Variants in CHST11 observed in about 807,000 individuals in gnomAD.
CHST11 encodes the protein C4S-1.
Under a neutral mutation model 30.4 loss-of-function variants are expected in CHST11, and 9 were observed. The observed-to-expected ratio is 0.30, with a 90% CI of 0.18 to 0.52. The LOEUF (loss-of-function observed/expected upper bound fraction) is 0.52. CHST11 is among the 20% of genes least tolerant of loss of function. The pLI is 0.97. For missense variants in CHST11, 348 were observed against 460.6 expected (o/e 0.76, Z 2.24); for synonymous variants, 152 against 187.8 (o/e 0.81, Z 1.56).
At chr12:104,624,350 A>G (rs1350190173) in intron 2 of CHST11, among the ~76,000 whole-genome samples, 4 of 152,300 alleles carry the variant, frequency 2.6e-5, no homozygotes, top group East Asian at 1.9e-4. Flanking sequence ...CTGGGTACTT[A>G]AGACTGAATG....
At chr12:104,656,310 T>C (rs1174636948) in intron 2 of CHST11, among the ~76,000 whole-genome samples, 1 of 152,184 alleles carries the variant, frequency 6.6e-6, no homozygotes, top group Non-Finnish European at 1.5e-5. Context: ...CCACTTTTCC[T>C]CTTTTTTTCT....
At chr12:104,705,870 A>G (rs534293807) in intron 2 of CHST11, among the ~76,000 whole-genome samples, 3 of 152,104 alleles carry the variant, frequency 2.0e-5, no homozygotes, top group Non-Finnish European at 4.4e-5. Flanking sequence ...CAGTGAGCCA[A>G]GATCGCACCA....
chr12:104,750,406 T>C (rs2463444), intron 2 of CHST11, among the ~76,000 whole-genome samples: 92,714 of 140,060 alleles, frequency 0.66, 31,158 homozygotes, highest in Middle Eastern at 0.74. Context: ...TGTAGTTGTG[T>C]ACCTGGTTTT....
At position 104,524,892 on chromosome 12, in the gene CHST11, ACAGAG is replaced by A. The variant is rs566754263; in HGVS notation, c.118+67366_118+67370del. Among the ~76,000 whole-genome samples, 137 of 152,346 alleles carry A rather than the reference ACAGAG, an allele frequency of 9.0e-4. 3 individuals carry two copies. In the South Asian group the frequency reaches 0.028, roughly 31 times the overall value. On this transcript the variant is annotated intron_variant, in intron 1 of 2. Coordinates refer to ENST00000303694, the MANE Select transcript of CHST11 (RefSeq NM_018413.6). Reference sequence around the variant, plus strand: ...TTTGTTTTGGTTCTCATCTCTGTGAACAGAGCAAAGCATGCAACCATTGTAACACT... The same window carrying A: ...TTTGTTTTGGTTCTCATCTCTGTGAACAAAGCATGCAACCATTGTAACACT...
At chr12:104,655,853 C>T (rs1312754258) in intron 2 of CHST11, among the ~76,000 whole-genome samples, 1 of 152,126 alleles carries the variant, frequency 6.6e-6, no homozygotes, top group African/African-American at 2.4e-5. Context: ...TATGTAAATT[C>T]AGGGTGTTTT....
chr12:104,699,127 G>A (rs1324617439), intron 2 of CHST11, among the ~76,000 whole-genome samples: 2 of 152,154 alleles, frequency 1.3e-5, no homozygotes, highest in Non-Finnish European at 2.9e-5. Flanking sequence ...CCTCACCCTA[G>A]ATCTAATGAA....
At chr12:104,674,705 G>A (rs2039724310) in intron 2 of CHST11, among the ~76,000 whole-genome samples, 1 of 151,952 alleles carries the variant, frequency 6.6e-6, no homozygotes, top group South Asian at 2.1e-4. Flanking sequence ...CTTTGCTAAC[G>A]GATTAGACTT....
chr12:104,665,595 T>TG, intron 2 of CHST11, among the ~76,000 whole-genome samples: 1 of 152,238 alleles, frequency 6.6e-6, no homozygotes, highest in South Asian at 2.1e-4. Flanking sequence ...TAAAGTGCTT[T>TG]GCACAGCATC....
intron 1 of CHST11, among the ~76,000 whole-genome samples, chr12:104,459,443 T>A (rs1284040036): frequency 6.6e-6 from 1 of 152,238 alleles, no homozygotes; most frequent in Non-Finnish European, 1.5e-5. Flanking sequence ...ATGCCAGTAA[T>A]GCTCTGTACG....
chr12:104,541,130 T>TCTCACACA (rs1310906893), intron 1 of CHST11, among the ~76,000 whole-genome samples: 15 of 146,676 alleles, frequency 1.0e-4, no homozygotes, highest in Admixed American at 2.7e-4. Flanking sequence ...TCTCTCTCTC[T>TCTCACACA]CACACACACA....
chr12:104,744,560 T>C (rs1315905595), intron 2 of CHST11, among the ~76,000 whole-genome samples: 4 of 152,220 alleles, frequency 2.6e-5, no homozygotes, highest in South Asian at 2.1e-4. Context: ...GGTTGTCTGT[T>C]TACTCTGTTG....
In CHST11 at chr12:104,749,841, G is replaced by A. The variant is rs377437417; in HGVS notation, c.205-7108G>A. 5.9e-5 allele frequency among the ~76,000 whole-genome samples: 9 copies of A among 152,318 alleles called. No homozygotes were observed. The South Asian group carries it at 1.0e-3, about 18-fold the overall frequency. On this transcript the variant is annotated intron_variant, in intron 2 of 2. Coordinates refer to ENST00000303694, the MANE Select transcript of CHST11 (RefSeq NM_018413.6). ...TGGTGGCAAAGAATTCCTCTCTTCC[G>A]TCTGGCCTGTCCAGGGCTGTCCTTA...
At chr12:104,693,725 T>C (rs1199212748) in intron 2 of CHST11, among the ~76,000 whole-genome samples, 1 of 152,118 alleles carries the variant, frequency 6.6e-6, no homozygotes, top group Non-Finnish European at 1.5e-5. Flanking sequence ...AGGCGACAAC[T>C]AAGATGAGAT....
intron 1 of CHST11, among the ~76,000 whole-genome samples, chr12:104,484,592 T>C (rs980349161): frequency 6.6e-6 from 1 of 152,236 alleles, no homozygotes; most frequent in African/African-American, 2.4e-5. Context: ...CTACATTTAA[T>C]GAACTAATGC....
intron 2 of CHST11, among the ~76,000 whole-genome samples, chr12:104,721,612 G>A (rs1040766183): frequency 1.3e-5 from 2 of 152,172 alleles, no homozygotes; most frequent in Admixed American, 1.3e-4. Context: ...TGCTCAAAAT[G>A]GGGTGTGACT....
At chr12:104,686,782 G>A (rs1204481271) in intron 2 of CHST11, among the ~76,000 whole-genome samples, 2 of 152,096 alleles carry the variant, frequency 1.3e-5, no homozygotes, top group East Asian at 3.8e-4. Flanking sequence ...CAAGTAGCTG[G>A]GACTACAGGC....
At chr12:104,709,652 C>T (rs2040068271) in intron 2 of CHST11, among the ~76,000 whole-genome samples, 1 of 152,116 alleles carries the variant, frequency 6.6e-6, no homozygotes, top group Non-Finnish European at 1.5e-5. Flanking sequence ...GCGGTTCTTT[C>T]ATTAAGAAGC....
intron 2 of CHST11, among the ~76,000 whole-genome samples, chr12:104,637,316 A>ACTC (rs1231181646): frequency 0.071 from 5,123 of 72,130 alleles, 547 homozygotes; most frequent in South Asian, 0.095. Context: ...AAAAAAAAAA[A>ACTC]AAAAAAAAAA....
At chr12:104,570,090 A>G (rs758634043) in intron 1 of CHST11, among the ~76,000 whole-genome samples, 14 of 152,182 alleles carry the variant, frequency 9.2e-5, no homozygotes, top group Non-Finnish European at 1.3e-4. Flanking sequence ...GTCCAAAGTG[A>G]GCATCTGTAA....
Sources: gnomAD v4.1 joint callset for allele counts (sites outside exome capture counted in the v4.1 genomes callset) on GRCh38, gnomAD v4.1.1 for gene constraint, MANE v1.5 for transcripts, NCBI Gene and HGNC (gene_info 2026-07-23, HGNC 2026-07-21) for gene names.